The following DAB1 variants were observed in gnomAD, a reference collection of about 807,000 sequenced individuals.
The protein encoded by DAB1 is DAB adaptor protein 1.
Under a neutral mutation model 64.6 loss-of-function variants are expected in DAB1, and 15 were observed. The observed-to-expected ratio is 0.23, with a 90% confidence interval of 0.16 to 0.36. DAB1 has a LOEUF of 0.36. Ranked by LOEUF, DAB1 falls within the 10% of genes least tolerant of loss-of-function variation. DAB1 has a pLI of 1.00. For missense variants in DAB1, 596 were observed against 706.7 expected (o/e 0.84, Z 1.78); for synonymous variants, 235 against 251.9 (o/e 0.93, Z 0.64).
At chr1:57,373,834 C>T (rs1193777967) in intron 1 of DAB1, among the ~76,000 whole-genome samples, 4 of 152,116 alleles carry the variant, frequency 2.6e-5, no homozygotes, top group Admixed American at 6.5e-5. Flanking sequence ...CATCTTTTCC[C>T]GTTGCAAATT....
intron 12 of DAB1, among the ~76,000 whole-genome samples, chr1:57,012,437 G>T (rs923335604): frequency 2.0e-5 from 3 of 152,184 alleles, no homozygotes; most frequent in Non-Finnish European, 2.9e-5. Context: ...GTCTTGCGAA[G>T]GGTTAACACA....
chr1:58,481,155 ATCTC>A (rs766916436), intron 3 of DAB1: 3 of 850,022 alleles, frequency 3.5e-6, no homozygotes, highest in African/African-American at 1.6e-5. Context: ...ACAATTACAC[ATCTC>A]TCTAATTTTG....
intron 2 of DAB1, among the ~76,000 whole-genome samples, chr1:57,249,503 C>G (rs891185670): frequency 2.0e-5 from 3 of 152,186 alleles, no homozygotes; most frequent in Non-Finnish European, 2.9e-5. Flanking sequence ...CCGCAAGTAT[C>G]TGGAATTCCA....
intron 3 of DAB1, among the ~76,000 whole-genome samples, chr1:58,447,116 A>G (rs1645076351): frequency 6.6e-6 from 1 of 152,232 alleles, no homozygotes; most frequent in Admixed American, 6.5e-5. Flanking sequence ...TCCATGGCTC[A>G]GCAACCTCCC....
chr1:58,125,589 A>T (rs1653015856), intron 5 of DAB1, among the ~76,000 whole-genome samples: 1 of 151,898 alleles, frequency 6.6e-6, no homozygotes, highest in Non-Finnish European at 1.5e-5. Context: ...CTACAGGAGC[A>T]TGCCACCATG....
chr1:57,214,318 A>C (rs1416676336), intron 2 of DAB1, among the ~76,000 whole-genome samples: 1 of 152,198 alleles, frequency 6.6e-6, no homozygotes, highest in African/African-American at 2.4e-5. Context: ...CCCACCACTT[A>C]ATACCATCAC....
At chr1:58,520,534 C>CA (rs1209348807) in intron 2 of DAB1, among the ~76,000 whole-genome samples, 1 of 151,944 alleles carries the variant, frequency 6.6e-6, no homozygotes, top group Non-Finnish European at 1.5e-5. Flanking sequence ...AACTTTTCCC[C>CA]AAAAAAGGGC....
chr1:58,095,838 G>A (rs1301956349), intron 5 of DAB1, among the ~76,000 whole-genome samples: 1 of 152,196 alleles, frequency 6.6e-6, no homozygotes, highest in Non-Finnish European at 1.5e-5. Context: ...ATTCATGAAG[G>A]GAAAGATTCC....
At chr1:57,868,001 G>A (rs984221995) in intron 1 of DAB1, among the ~76,000 whole-genome samples, 7 of 152,116 alleles carry the variant, frequency 4.6e-5, no homozygotes, top group African/African-American at 7.2e-5. Flanking sequence ...AGTGATACTC[G>A]CTAGCTAGGT....
chr1:57,439,039 A>G (rs535672920), intron 7 of DAB1, among the ~76,000 whole-genome samples: 1 of 152,326 alleles, frequency 6.6e-6, no homozygotes, highest in Admixed American at 6.5e-5. Context: ...CTCCTTAGCC[A>G]GAGTGGTTGA....
Position 57,989,756 on chromosome 1 carries a change from T to A in DAB1, n.388-105594A>T, listed in dbSNP as rs187608351. Among the ~76,000 whole-genome samples, 12 of 152,272 alleles carry A rather than the reference T, an allele frequency of 7.9e-5. No homozygotes were observed. In the East Asian group the frequency reaches 2.1e-3, roughly 27 times the overall value. On this transcript the variant is annotated intron_variant and non_coding_transcript_variant, in intron 5 of 20. Coordinates refer to the DAB1 transcript ENST00000485760. ...AAAAAGATGCACCAGGACATTGATTTCTTCTGCCTGTTTGCTTGATTTCCA... is the reference window on the plus strand; with the variant it reads ...AAAAAGATGCACCAGGACATTGATTACTTCTGCCTGTTTGCTTGATTTCCA...
chr1:58,080,021 G>A (rs1180226572), intron 5 of DAB1: 1 of 152,184 alleles, frequency 6.6e-6, no homozygotes, highest in East Asian at 1.9e-4. Flanking sequence ...GTCCTGGAAA[G>A]TTACCAGAAA....
chr1:57,470,053 G>A (rs1016621067), intron 7 of DAB1, among the ~76,000 whole-genome samples: 6 of 152,250 alleles, frequency 3.9e-5, no homozygotes, highest in Middle Eastern at 3.4e-3. Context: ...ATAGCAGTTC[G>A]AGGATGAAAG....
chr1:57,127,963 C>T (rs1657288137), intron 4 of DAB1, among the ~76,000 whole-genome samples: 1 of 151,964 alleles, frequency 6.6e-6, no homozygotes. Context: ...GACTAGCCAA[C>T]ATGGTGAAAT....
intron 1 of DAB1, among the ~76,000 whole-genome samples, chr1:57,312,691 T>C (rs1461427679): frequency 6.6e-6 from 1 of 152,062 alleles, no homozygotes; most frequent in Non-Finnish European, 1.5e-5. Context: ...GTAAAGTGTC[T>C]TGTGCCTTGA....
chr1:57,356,274 T>G (rs1679094744), intron 1 of DAB1, among the ~76,000 whole-genome samples: 1 of 152,106 alleles, frequency 6.6e-6, no homozygotes, highest in Non-Finnish European at 1.5e-5. Flanking sequence ...GAAAAGCCCT[T>G]GCCTTTAAAG....
intron 6 of DAB1, among the ~76,000 whole-genome samples, chr1:57,655,262 T>C (rs1449895250): frequency 6.6e-6 from 1 of 152,022 alleles, no homozygotes; most frequent in Non-Finnish European, 1.5e-5. Flanking sequence ...TCCATCCAAC[T>C]GTCCATCCAT....
At chr1:58,128,568 A>G (rs1176823306) in intron 5 of DAB1, among the ~76,000 whole-genome samples, 1 of 132,276 alleles carries the variant, frequency 7.6e-6, no homozygotes, top group East Asian at 2.8e-4. Flanking sequence ...GTTTTTGCCC[A>G]TTCAGTATGA....
chr1:57,687,801 A>G (rs544788170), intron 6 of DAB1, among the ~76,000 whole-genome samples: 219 of 152,216 alleles, frequency 1.4e-3, no homozygotes, highest in African/African-American at 5.1e-3. Context: ...AAAGCCAACA[A>G]AAGTAAGCAA....
Sources: gnomAD v4.1 joint callset for allele counts (sites outside exome capture counted in the v4.1 genomes callset) on GRCh38, gnomAD v4.1.1 for gene constraint, MANE v1.5 for transcripts, NCBI Gene and HGNC (gene_info 2026-07-23, HGNC 2026-07-21) for gene names.